Variants in TRIM37 observed in about 807,000 individuals in gnomAD.
TRIM37 encodes the protein tripartite motif containing 37, also known as E3 ubiquitin-protein ligase TRIM37.
Under a neutral mutation model 129.8 loss-of-function variants are expected in TRIM37, and 80 were observed. That is an observed-to-expected ratio of 0.62 (90% CI 0.51 to 0.74). The LOEUF is 0.74. Ranked by LOEUF, TRIM37 falls within the 30% of genes least tolerant of loss-of-function variation. TRIM37 has a pLI of 0.00. For missense variants in TRIM37, 1,054 were observed against 1,176.5 expected, an observed-to-expected ratio of 0.90 and a Z score of 1.52; for synonymous variants, 389 against 387.1, an observed-to-expected ratio of 1.00 and a Z score of -0.06.
At chr17:59,077,080 G>A (rs916652160) in intron 7 of TRIM37, among the ~76,000 whole-genome samples, 12 of 151,694 alleles carry the variant, frequency 7.9e-5, no homozygotes, top group African/African-American at 1.9e-4. Flanking sequence ...GAGCCAAGGC[G>A]CCCGGCCTTT....
chr17:58,980,636 G>A, downstream of TRIM37: 1 of 1,614,198 alleles, frequency 6.2e-7, no homozygotes, highest in Non-Finnish European at 8.5e-7. This position sits in a 1 kb window ranked among gnomAD's most constrained non-coding sequence, Gnocchi z 4.7. Flanking sequence ...TGGTGCTGGA[G>A]AGTTTCCCAC....
chr17:58,977,692 C>T (rs1374682289), downstream of TRIM37, among the ~76,000 whole-genome samples: 1 of 152,134 alleles, frequency 6.6e-6, no homozygotes, highest in Non-Finnish European at 1.5e-5. Context: ...CCATAGGGTT[C>T]CTAATGAGCT....
At chr17:59,001,743 T>C (rs1281815128) in intron 22 of TRIM37, 29 bp from the exon 23 acceptor site, 1 of 1,613,076 alleles carries the variant, frequency 6.2e-7, no homozygotes, top group Non-Finnish European at 8.5e-7. Flanking sequence ...AACATGTTTC[T>C]GAAAAGAAAC....
chr17:59,047,590 T>G (rs2039947682), intron 16 of TRIM37, 93 bp downstream of exon 16: 1 of 1,267,794 alleles, frequency 7.9e-7, no homozygotes, highest in African/African-American at 1.5e-5. Context: ...TTCAAAAAAG[T>G]GCTGAATATC....
At chr17:58,992,281 T>A (rs1300569832) in intron 24 of TRIM37, among the ~76,000 whole-genome samples, 17 of 141,058 alleles carry the variant, frequency 1.2e-4, no homozygotes, top group East Asian at 4.0e-4. Context: ...ATATATATAT[T>A]TATATTTATA....
chr17:58,981,281 C>A, downstream of TRIM37: 1 of 411,124 alleles, frequency 2.4e-6, no homozygotes, highest in Non-Finnish European at 4.3e-6. Context: ...ATACACAACC[C>A]CCTTCCCACC....
chr17:59,019,296 T>C lies in TRIM37; in HGVS notation c.2258-1872A>G, dbSNP rs1192324913. On this transcript the variant is annotated intron_variant, in intron 19 of 23. Coordinates refer to ENST00000262294, the MANE Select transcript of TRIM37 (RefSeq NM_015294.6). The stretch of plus-strand genomic sequence containing the variant: ...GGATAAACAGTATGTAGTACAGCCA[T>C]ACAATAAAATATCATGCAGACATAA... Among the ~76,000 whole-genome samples, 4 of 152,136 alleles carry C rather than the reference T, an allele frequency of 2.6e-5. No homozygotes were observed. The East Asian group carries it at 7.7e-4, about 29-fold the overall frequency.
chr17:59,028,542 C>T lies in TRIM37; in HGVS notation c.2130G>A (p.Gln710=). Residue 710 remains glutamine, a synonymous_variant, in exon 19 of 24, where the codon CAG becomes CAA. Coordinates refer to ENST00000262294, the MANE Select transcript of TRIM37 (RefSeq NM_015294.6). The part of the protein sequence containing the change: ...KSSSAASGDM[Q]TSLFSADQAA... ...CCTGGTCAGCAGAAAAAAGGCTTGT[C>T]TGCATGTCTCCAGAAGCAGCACTGC... 2 of 1,614,230 alleles carry T rather than the reference C, an allele frequency of 1.2e-6. No homozygotes were observed. Among genetic ancestry groups the T allele is most frequent in the Non-Finnish European group, 1.7e-6 (2 of 1,180,044 alleles).
Position 59,031,983 on chromosome 17 carries a change from G to C in TRIM37, c.1861C>G (p.His621Asp), listed in dbSNP as rs766324891. 2.5e-6 allele frequency: 4 copies of C among 1,614,046 alleles called. No individual in the cohort carries two copies. Among genetic ancestry groups the C allele is most frequent in the Non-Finnish European group, 3.4e-6 (4 of 1,180,022 alleles). Residue 621 changes from histidine (H) to aspartate (D), a missense_variant, in exon 18 of 24, where the codon CAT becomes GAT. His to Asp is a moderately conservative substitution (Grantham distance 81). Coordinates refer to ENST00000262294, the MANE Select transcript of TRIM37 (RefSeq NM_015294.6). ...CTCCGGTCCTTAAGGTCCAACAAAT[G>C]TATTAAAATTAATGGATCAATGTCT... Reference protein sequence around the residue: ...LLDIDPLILIHLLDLKDRSSI... With the variant: ...LLDIDPLILIDLLDLKDRSSI...
chr17:58,974,171 T>G, the TRIM37 span, among the ~76,000 whole-genome samples: 1 of 152,082 alleles, frequency 6.6e-6, no homozygotes, highest in East Asian at 1.9e-4. Context: ...TTTCATTGCA[T>G]TTTGGGTCAA....
the TRIM37 span, chr17:58,972,694 C>A: frequency 1.3e-6 from 1 of 763,220 alleles, no homozygotes; most frequent in East Asian, 2.7e-5. Context: ...ACATCAGCAA[C>A]TGTGCCCACC....
At chr17:59,042,443 A>ATATATATATAT (rs1281091065) in intron 16 of TRIM37, among the ~76,000 whole-genome samples, 25 of 50,172 alleles carry the variant, frequency 5.0e-4, no homozygotes, top group African/African-American at 1.5e-3. Flanking sequence ...AAAAAAAAAA[A>ATATATATATAT]AAAAAAATAT....
chr17:59,029,158 T>A (rs2037557309), intron 18 of TRIM37, among the ~76,000 whole-genome samples: 1 of 152,224 alleles, frequency 6.6e-6, no homozygotes, highest in African/African-American at 2.4e-5. Flanking sequence ...CCAGGTGCAG[T>A]GGCTTATGCC....
chr17:59,047,900 G>C, intron 15 of TRIM37, 81 bp from the exon 16 acceptor site: 1 of 1,530,334 alleles, frequency 6.5e-7, no homozygotes, highest in Non-Finnish European at 9.0e-7. Flanking sequence ...CATAAACCAA[G>C]CACCAAAGAA....
chr17:59,076,638 A>T, intron 7 of TRIM37, among the ~76,000 whole-genome samples: 1 of 152,252 alleles, frequency 6.6e-6, no homozygotes, highest in Middle Eastern at 3.2e-3. Flanking sequence ...AACAAAAAGA[A>T]GATAGGTATG....
At chr17:59,070,371 T>A (rs921497722) in intron 9 of TRIM37, among the ~76,000 whole-genome samples, 1 of 152,192 alleles carries the variant, frequency 6.6e-6, no homozygotes, top group Non-Finnish European at 1.5e-5. Flanking sequence ...TATAGTTCAA[T>A]TCAAAAGGTA....
chr17:58,998,747 T>C lies in TRIM37; in HGVS notation c.*630A>G. ...TAACTTAATTTCATTTAAAATTACA[T>C]TTGTAGAAGTCACACAACAGAAAGA... On this transcript the variant is annotated 3_prime_UTR_variant, in exon 24 of 24. Transcript: ENST00000262294. The C allele has an allele frequency of 1.0e-6, 1 of 985,696 alleles. No homozygotes were observed. The highest frequency in any genetic ancestry group is 4.7e-5 in the South Asian group (1 of 21,296). The allele number at this position is 985,696 out of a possible 1,614,324, so 61.1% of individuals were successfully genotyped here. A position where few individuals can be genotyped will look rare whatever the true frequency, so the allele number is the denominator to read the frequency against.
At chr17:59,049,470 T>G in intron 14 of TRIM37, 77 bp from the exon 15 acceptor site, 1 of 1,198,372 alleles carries the variant, frequency 8.3e-7, no homozygotes, top group Non-Finnish European at 1.2e-6. Flanking sequence ...GAAAAAAAAA[T>G]GCATCCAGAT....
At chr17:58,970,277 G>A in the TRIM37 span, among the ~76,000 whole-genome samples, 7 of 152,252 alleles carry the variant, frequency 4.6e-5, no homozygotes, top group South Asian at 2.1e-4. Context: ...CCTACATTGC[G>A]AAGGTTAATC....
Sources: gnomAD v4.1 joint callset for allele counts (sites outside exome capture counted in the v4.1 genomes callset) on GRCh38, gnomAD v4.1.1 for gene constraint, Gnocchi (gnomAD v3.1) non-coding constraint, MANE v1.5 for transcripts, NCBI Gene and HGNC (gene_info 2026-07-23, HGNC 2026-07-21) for gene names.